Variants in ASIC2 observed in about 807,000 individuals in gnomAD.
The protein encoded by ASIC2 is acid sensing ion channel subunit 2.
ASIC2 carries 25 observed loss-of-function variants against 57.3 expected under a neutral mutation model. That is an observed-to-expected ratio of 0.44 (90% confidence interval 0.32 to 0.61). ASIC2 has a LOEUF of 0.61. Among genes scored for constraint, ASIC2 ranks in the 20% least tolerant of loss-of-function variants. The pLI, the probability that ASIC2 is intolerant of heterozygous loss-of-function variation, is 0.06. For synonymous variants in ASIC2, 319 were observed against 307.5 expected (o/e 1.04, Z -0.39); for missense variants, 641 against 738.1 (o/e 0.87, Z 1.52).
At chr17:33,538,116 C>T (rs1027472993) in intron 1 of ASIC2, among the ~76,000 whole-genome samples, 8 of 152,156 alleles carry the variant, frequency 5.3e-5, no homozygotes, top group Non-Finnish European at 1.2e-4. Context: ...TCAATAAATG[C>T]TTAGTAACTG....
intron 1 of ASIC2, among the ~76,000 whole-genome samples, chr17:33,894,417 T>C (rs1915043257): frequency 1.3e-5 from 2 of 151,654 alleles, no homozygotes; most frequent in South Asian, 4.2e-4. Flanking sequence ...GATGTTCCAG[T>C]ATTACATATT....
Position 33,014,160 on chromosome 17 carries a change from C to G in ASIC2, c.1591-94G>C, listed in dbSNP as rs112964939. On this transcript the variant is annotated intron_variant, in intron 9 of 9. Coordinates refer to ENST00000225823, the MANE Select transcript of ASIC2 (RefSeq NM_183377.2). ...CCCAGCCTAGGCCCTGGGGAAGGTG[C>G]TCCCCACTTGTGGGCTGCTTCTGCT... The G allele has an allele frequency of 1.1e-5, 11 of 974,208 alleles. No homozygotes were observed. In the East Asian group the frequency reaches 1.8e-4, roughly 16 times the overall value. The allele number at this position is 974,208 out of a possible 1,614,324, so 60.3% of individuals were successfully genotyped here. A position where few individuals can be genotyped will look rare whatever the true frequency, so the allele number is the denominator to read the frequency against.
At chr17:33,737,392 T>C (rs902765897) in intron 1 of ASIC2, among the ~76,000 whole-genome samples, 2 of 152,264 alleles carry the variant, frequency 1.3e-5, no homozygotes, top group Admixed American at 6.5e-5. Flanking sequence ...ATGTCTCTGC[T>C]CCAACATTCT....
intron 1 of ASIC2, among the ~76,000 whole-genome samples, chr17:33,130,045 C>T (rs1290119934): frequency 6.6e-6 from 1 of 152,100 alleles, no homozygotes; most frequent in African/African-American, 2.4e-5. Flanking sequence ...TAGCCCGTCA[C>T]ACACTGAACT....
intron 1 of ASIC2, among the ~76,000 whole-genome samples, chr17:33,259,015 T>C (rs932495686): frequency 6.6e-6 from 1 of 150,724 alleles, no homozygotes; most frequent in East Asian, 2.0e-4. Context: ...GGGTGAGGAG[T>C]GGGGAAGAGC....
chr17:33,461,038 A>T (rs905828327), intron 1 of ASIC2, among the ~76,000 whole-genome samples: 11 of 152,172 alleles, frequency 7.2e-5, no homozygotes, highest in African/African-American at 2.7e-4. Context: ...GTCACAAATC[A>T]TCTCGCCTCC....
chr17:33,259,641 G>T (rs1909208973), intron 1 of ASIC2, among the ~76,000 whole-genome samples: 1 of 152,138 alleles, frequency 6.6e-6, no homozygotes, highest in South Asian at 2.1e-4. Flanking sequence ...GTGACAGCCT[G>T]AAGACTTGGT....
chr17:34,100,613 G>A (rs1287670605), intron 1 of ASIC2, among the ~76,000 whole-genome samples: 1 of 152,064 alleles, frequency 6.6e-6, no homozygotes, highest in Non-Finnish European at 1.5e-5. Flanking sequence ...GGGAACACAG[G>A]ACTCACAGAA....
At chr17:33,134,646 T>C (rs766724196) in intron 1 of ASIC2, among the ~76,000 whole-genome samples, 6 of 152,238 alleles carry the variant, frequency 3.9e-5, no homozygotes, top group Non-Finnish European at 8.8e-5. Flanking sequence ...TGGATAATTC[T>C]GGATGGTAAG....
intron 1 of ASIC2, among the ~76,000 whole-genome samples, chr17:33,719,559 C>T (rs1909324159): frequency 6.6e-6 from 1 of 152,214 alleles, no homozygotes; most frequent in African/African-American, 2.4e-5. Flanking sequence ...CTGCTAGAAA[C>T]ATTGTCATAA....
chr17:33,338,166 C>T (rs1907592712), intron 1 of ASIC2, among the ~76,000 whole-genome samples: 1 of 131,052 alleles, frequency 7.6e-6, no homozygotes, highest in Non-Finnish European at 1.6e-5. Context: ...TCTGTAATGG[C>T]AAGGAGATGG....
At chr17:34,007,711 T>C (rs1906573774) in intron 1 of ASIC2, among the ~76,000 whole-genome samples, 1 of 152,244 alleles carries the variant, frequency 6.6e-6, no homozygotes, top group Admixed American at 6.5e-5. Flanking sequence ...GCTTTGAAAC[T>C]GCATCCTGCC....
At chr17:33,500,024 A>G (rs748425190) in intron 1 of ASIC2, among the ~76,000 whole-genome samples, 11 of 151,828 alleles carry the variant, frequency 7.2e-5, no homozygotes, top group Non-Finnish European at 1.3e-4. Flanking sequence ...CAGAGTTTTG[A>G]CTTACACAGT....
intron 1 of ASIC2, among the ~76,000 whole-genome samples, chr17:33,840,405 A>G (rs1039864113): frequency 1.3e-5 from 2 of 152,212 alleles, no homozygotes; most frequent in African/African-American, 4.8e-5. Context: ...CGCTTCAGGC[A>G]TGGGAAACAG....
chr17:34,011,149 A>G lies in ASIC2; in HGVS notation c.555+144829T>C, dbSNP rs570241109. ...GACACAGGCACACACACACACACAT[A>G]GACACATAGAGATGCCTCCAGTCAA... On this transcript the variant is annotated intron_variant, in intron 1 of 9. Coordinates refer to the ASIC2 transcript ENST00000359872. Among the ~76,000 whole-genome samples, 786 of 151,196 alleles carry G rather than the reference A, an allele frequency of 5.2e-3. 4 individuals are homozygous for G. Among genetic ancestry groups the G allele is most frequent in the African/African-American group, 0.018 (757 of 41,028 alleles).
intron 2 of ASIC2, among the ~76,000 whole-genome samples, chr17:33,104,033 G>A (rs1365886627): frequency 1.3e-5 from 2 of 152,004 alleles, no homozygotes; most frequent in African/African-American, 2.4e-5. Flanking sequence ...ATGTCTATTG[G>A]CCTTTGCTGG....
At chr17:33,663,337 T>C (rs1907356126) in intron 1 of ASIC2, among the ~76,000 whole-genome samples, 1 of 152,174 alleles carries the variant, frequency 6.6e-6, no homozygotes, top group Admixed American at 6.5e-5. Flanking sequence ...TCAGTGTAAA[T>C]AGTAGTTTCT....
chr17:34,086,017 G>GT (rs1371941864), intron 1 of ASIC2, among the ~76,000 whole-genome samples: 5 of 151,648 alleles, frequency 3.3e-5, no homozygotes, highest in African/African-American at 9.7e-5. Context: ...TTTTTGAAGG[G>GT]TTTTTTGTGT....
At chr17:33,632,287 C>T (rs991334283) in intron 1 of ASIC2, among the ~76,000 whole-genome samples, 10 of 152,050 alleles carry the variant, frequency 6.6e-5, no homozygotes, top group African/African-American at 2.4e-4. Flanking sequence ...AATAATTTAC[C>T]TGCAATAATA....
Sources: gnomAD v4.1 joint callset for allele counts (sites outside exome capture counted in the v4.1 genomes callset) on GRCh38, gnomAD v4.1.1 for gene constraint, MANE v1.5 for transcripts, NCBI Gene and HGNC (gene_info 2026-07-23, HGNC 2026-07-21) for gene names.